UBOX5: variants seen among roughly 807,000 people sequenced by gnomAD.
UBOX5 encodes RING finger protein 37.
A neutral mutation model predicts 39.0 loss-of-function variants in UBOX5; 28 were observed. That is an observed-to-expected ratio of 0.72 (90% CI 0.53 to 0.98). The LOEUF is 0.98. UBOX5 is among the 50% of genes least tolerant of loss of function. The pLI is 0.00. For missense variants in UBOX5, 585 were observed against 674.4 expected (o/e 0.87, Z 1.47); for synonymous variants, 283 against 275.5 (o/e 1.03, Z -0.27).
intron 1 of UBOX5, chr20:3,148,062 T>C (rs763962639): frequency 1.2e-6 from 2 of 1,614,212 alleles, no homozygotes; most frequent in South Asian, 1.1e-5. Flanking sequence ...ATTTTCCGCA[T>C]GACAAATTCA....
At chr20:3,159,396 G>T (rs2066722910) in intron 1 of UBOX5, among the ~76,000 whole-genome samples, 1 of 152,204 alleles carries the variant, frequency 6.6e-6, no homozygotes, top group Non-Finnish European at 1.5e-5. Flanking sequence ...TACAGAATCA[G>T]AATCTCTAAG....
chr20:3,122,825 T>C (rs1312265019), intron 2 of UBOX5, among the ~76,000 whole-genome samples: 1 of 152,002 alleles, frequency 6.6e-6, no homozygotes, highest in African/African-American at 2.4e-5. Context: ...GGTACACACC[T>C]GTAGTCCCAG....
chr20:3,119,224 A>T (rs888016833), intron 3 of UBOX5, among the ~76,000 whole-genome samples: 7 of 152,220 alleles, frequency 4.6e-5, no homozygotes, highest in African/African-American at 1.4e-4. Flanking sequence ...AGAGGCCCAC[A>T]AGGCAAGGAA....
At chr20:3,131,003 G>A (rs138882113) in intron 1 of UBOX5, among the ~76,000 whole-genome samples, 224 of 152,044 alleles carry the variant, frequency 1.5e-3, no homozygotes, top group Middle Eastern at 3.4e-3. Flanking sequence ...AGGCCGAGGC[G>A]GGCAGATCAT....
At position 3,122,185 on chromosome 20, in the gene UBOX5, G is replaced by C. The variant is rs1392340505; in HGVS notation, c.454C>G (p.Pro152Ala). 1 of 1,614,184 alleles carries C rather than the reference G, an allele frequency of 6.2e-7. No homozygotes were observed. The highest frequency in any genetic ancestry group is 8.5e-7 in the Non-Finnish European group (1 of 1,180,022). Residue 152 changes from proline to alanine, a missense_variant, in exon 3 of 5, where the codon CCT becomes GCT. Pro to Ala is a conservative substitution (Grantham distance 27). Transcript: ENST00000217173. ...CAGAGCTCCTGGGCCACAACAGCAG[G>C]GGAGGGGAGTGTGGCTTCCATCGCG... ...FGAMEATLPSPAVVAQELWNK... is the reference protein window; with the variant it reads ...FGAMEATLPSAAVVAQELWNK...
rs1005950266 is a variant in UBOX5, at chr20:3,108,074, C to T, written c.*2032G>A. 1 of 152,284 alleles carries T rather than the reference C, an allele frequency of 6.6e-6. No homozygotes were observed. The highest frequency in any genetic ancestry group is 2.4e-5 in the African/African-American group (1 of 41,446). 9.4% of individuals were successfully genotyped at this position (152,284 alleles called of 1,614,324 possible). ...GGTGAAGGTGGGAATCACCAGCCCCCACACTCACCAAGAAATGCTTTTGCT... is the reference window on the plus strand; with the variant it reads ...GGTGAAGGTGGGAATCACCAGCCCCTACACTCACCAAGAAATGCTTTTGCT... On this transcript the variant is annotated 3_prime_UTR_variant, in exon 5 of 5. Transcript: ENST00000217173.
chr20:3,127,321 G>C (rs2066398748), intron 1 of UBOX5, among the ~76,000 whole-genome samples: 1 of 152,196 alleles, frequency 6.6e-6, no homozygotes, highest in Non-Finnish European at 1.5e-5. Context: ...CCACTTGCAG[G>C]AGCCAGGCAT....
At position 3,108,777 on chromosome 20, in the gene UBOX5, A is replaced by G. The variant is rs947710294; in HGVS notation, c.*1329T>C. ...GCAAGACCTTGTCTCTACAAAAAAT[A>G]AAAAAATTAGCTGGGCATGGTGGCA... On this transcript the variant is annotated 3_prime_UTR_variant, in exon 5 of 5. Coordinates refer to ENST00000217173, the MANE Select transcript of UBOX5 (RefSeq NM_014948.4). 6.6e-6 allele frequency: 1 copy of G among 152,090 alleles called. No individual in the cohort carries two copies. Among genetic ancestry groups the G allele is most frequent in the African/African-American group, 2.4e-5 (1 of 41,382 alleles). 9.4% of individuals were successfully genotyped at this position (152,090 alleles called of 1,614,324 possible).
intron 1 of UBOX5, among the ~76,000 whole-genome samples, chr20:3,128,119 G>T (rs145104888): frequency 6.6e-6 from 1 of 152,148 alleles, no homozygotes; most frequent in East Asian, 1.9e-4. Flanking sequence ...TGTTCTCCAC[G>T]ATAAGTAAAA....
chr20:3,110,478 G>A, intron 4 of UBOX5, 164 bp from the exon 5 acceptor site: 1 of 747,664 alleles, frequency 1.3e-6, no homozygotes, highest in Non-Finnish European at 2.2e-6. Context: ...GCGGGAGAGG[G>A]AGCCTGGGAA....
intron 1 of UBOX5, among the ~76,000 whole-genome samples, chr20:3,126,543 A>G (rs1246503434): frequency 6.6e-6 from 1 of 151,438 alleles, no homozygotes; most frequent in Admixed American, 6.6e-5. Flanking sequence ...AAAGAAAAAA[A>G]AAAGAAAGGA....
At chr20:3,148,165 C>T in intron 1 of UBOX5, 1 of 1,613,722 alleles carries the variant, frequency 6.2e-7, no homozygotes, top group East Asian at 2.2e-5. Context: ...TCAATGATTC[C>T]AATTTTTGCA....
intron 1 of UBOX5, chr20:3,147,736 G>C (rs1376987741): frequency 1.1e-5 from 18 of 1,614,080 alleles, no homozygotes; most frequent in Non-Finnish European, 1.5e-5. Flanking sequence ...CTTCTGCATT[G>C]GGTGGCTTAT....
intron 1 of UBOX5, among the ~76,000 whole-genome samples, chr20:3,143,730 T>C (rs1052750961): frequency 2.0e-5 from 3 of 152,140 alleles, no homozygotes; most frequent in Non-Finnish European, 1.5e-5. Context: ...GAGGCGGAGC[T>C]TGCAGTGAGT....
intron 1 of UBOX5, among the ~76,000 whole-genome samples, chr20:3,124,856 GA>G: frequency 6.7e-6 from 1 of 149,490 alleles, no homozygotes; most frequent in Non-Finnish European, 1.5e-5. Flanking sequence ...TGCCCCTTCT[GA>G]GAAGTGAGGA....
At chr20:3,142,766 C>CT (rs1392317659) in intron 1 of UBOX5, among the ~76,000 whole-genome samples, 9 of 106,226 alleles carry the variant, frequency 8.5e-5, no homozygotes, top group Non-Finnish European at 1.5e-4. Flanking sequence ...GAGAGAAACT[C>CT]TGTCTCAAAA....
At chr20:3,118,763 C>T (rs978480733) in intron 3 of UBOX5, among the ~76,000 whole-genome samples, 1 of 151,982 alleles carries the variant, frequency 6.6e-6, no homozygotes, top group African/African-American at 2.4e-5. Context: ...CAGAGCGAGA[C>T]TCCGTCTCAA....
chr20:3,153,520 A>G (rs1379840164), intron 1 of UBOX5, among the ~76,000 whole-genome samples: 1 of 152,254 alleles, frequency 6.6e-6, no homozygotes, highest in African/African-American at 2.4e-5. Context: ...AGTGGAGCCT[A>G]ATATTAAAGA....
chr20:3,118,096 C>T (rs2066307257), intron 3 of UBOX5, among the ~76,000 whole-genome samples: 1 of 151,238 alleles, frequency 6.6e-6, no homozygotes, highest in Admixed American at 6.6e-5. Context: ...CAGCAGAGGT[C>T]GCAGTGAGCA....
Sources: gnomAD v4.1 joint callset for allele counts (sites outside exome capture counted in the v4.1 genomes callset) on GRCh38, gnomAD v4.1.1 for gene constraint, MANE v1.5 for transcripts, NCBI Gene and HGNC (gene_info 2026-07-23, HGNC 2026-07-21) for gene names.